CD226: variants seen among roughly 807,000 people sequenced by gnomAD.
CD226 encodes CD226 molecule.
A neutral mutation model predicts 34.9 loss-of-function variants in CD226; 24 were observed. That is an observed-to-expected ratio of 0.69 (90% CI 0.50 to 0.97). The LOEUF (loss-of-function observed/expected upper bound fraction) is 0.97, where lower values mean the gene tolerates loss of function less well. CD226 is among the 50% of genes least tolerant of loss of function. The pLI is 0.00. For synonymous variants in CD226, 148 were observed against 147.4 expected (o/e 1.00, Z -0.03); for missense variants, 397 against 412.7 (o/e 0.96, Z 0.33).
At chr18:69,939,306 T>C (rs2055694192) in intron 2 of CD226, among the ~76,000 whole-genome samples, 1 of 152,228 alleles carries the variant, frequency 6.6e-6, no homozygotes, top group Non-Finnish European at 1.5e-5. Context: ...AAATAACGTA[T>C]TGTTTAATTA....
chr18:69,929,660 G>A (rs1465407914), intron 2 of CD226, among the ~76,000 whole-genome samples: 1 of 152,028 alleles, frequency 6.6e-6, no homozygotes, highest in Admixed American at 6.6e-5. Flanking sequence ...TCTCTCTTGG[G>A]TTCTGATTAA....
In CD226 at chr18:69,885,567, TG is replaced by T. The variant is rs1032394217; in HGVS notation, c.727+10133del. Among the ~76,000 whole-genome samples the T allele has an allele frequency of 4.0e-4, 61 of 152,180 alleles. 1 individual carries two copies. The highest frequency in any genetic ancestry group is 1.4e-3 in the African/African-American group (58 of 41,530). ...TCCCACACAGGAAGCGTCCAGTGGGTGGATCTGGTGAGGCCATGAGAACAGG... is the reference window on the plus strand; with the variant it reads ...TCCCACACAGGAAGCGTCCAGTGGGTGATCTGGTGAGGCCATGAGAACAGG... On this transcript the variant is annotated intron_variant, in intron 3 of 5. Coordinates refer to ENST00000582621, the MANE Select transcript of CD226 (RefSeq NM_001303618.2).
chr18:69,859,631 T>A lies in CD226; in HGVS notation c.*4683A>T, dbSNP rs1982717701. 1 of 151,094 alleles carries A rather than the reference T, an allele frequency of 6.6e-6. No homozygotes were observed. The highest frequency in any genetic ancestry group is 2.4e-5 in the African/African-American group (1 of 41,216). 9.4% of individuals were successfully genotyped at this position (151,094 alleles called of 1,614,324 possible). ...TTCAGAAAAGTGAACATAAATAAAA[T>A]AATGAGTTAGAAGTAGTAAAATTTG... On this transcript the variant is annotated 3_prime_UTR_variant, in exon 6 of 6. Transcript: ENST00000582621.
At chr18:69,937,227 G>A (rs939598107) in intron 2 of CD226, among the ~76,000 whole-genome samples, 5 of 152,144 alleles carry the variant, frequency 3.3e-5, no homozygotes, top group Non-Finnish European at 5.9e-5. Flanking sequence ...CTATGTGTTG[G>A]TTCAATTTTA....
intron 3 of CD226, among the ~76,000 whole-genome samples, chr18:69,883,233 CATAACAGA>C (rs1255620979): frequency 6.6e-6 from 1 of 152,078 alleles, no homozygotes; most frequent in Non-Finnish European, 1.5e-5. Context: ...GGCTTCCTGT[CATAACAGA>C]AGTTATTTTT....
At chr18:69,915,546 T>C (rs1235544362) in intron 2 of CD226, among the ~76,000 whole-genome samples, 1 of 152,202 alleles carries the variant, frequency 6.6e-6, no homozygotes, top group East Asian at 1.9e-4. Context: ...AATTGGTATA[T>C]GTCCTATTGC....
rs77086444 is a variant in CD226, at chr18:69,894,893, T to C, written c.727+808A>G. Reference sequence around the variant, plus strand: ...ACTCATGCAAAGTGGATCTAGGTTTTGCAGGTCCTGAAACACAATGAAAGG... The same window carrying C: ...ACTCATGCAAAGTGGATCTAGGTTTCGCAGGTCCTGAAACACAATGAAAGG... On this transcript the variant is annotated intron_variant, in intron 3 of 5. Coordinates refer to ENST00000582621, the MANE Select transcript of CD226 (RefSeq NM_001303618.2). 4.4e-3 allele frequency among the ~76,000 whole-genome samples: 666 copies of C among 152,030 alleles called. 2 individuals are homozygous for C. The highest frequency in any genetic ancestry group is 0.015 in the African/African-American group (640 of 41,444).
rs567799662 is a variant in CD226, at chr18:69,924,163, A to C, written c.382+22571T>G. Reference sequence around the variant, plus strand: ...AACGTCATAGAAGAAAATATTATGCAAAATGAGACAGATGGAAAAATTAAA... The same window carrying C: ...AACGTCATAGAAGAAAATATTATGCCAAATGAGACAGATGGAAAAATTAAA... On this transcript the variant is annotated intron_variant, in intron 2 of 5. Transcript: ENST00000582621. Among the ~76,000 whole-genome samples the C allele has an allele frequency of 5.3e-5, 8 of 152,240 alleles. No individual in the cohort carries two copies. The South Asian group carries it at 1.0e-3, about 20-fold the overall frequency.
intron 3 of CD226, among the ~76,000 whole-genome samples, chr18:69,876,699 A>C (rs2145198621): frequency 6.6e-6 from 1 of 152,238 alleles, no homozygotes; most frequent in Admixed American, 6.5e-5. Flanking sequence ...AGTAACAGGC[A>C]CCAGCTGAGT....
intron 2 of CD226, among the ~76,000 whole-genome samples, chr18:69,925,848 G>C: frequency 6.6e-6 from 1 of 152,026 alleles, no homozygotes. Context: ...ACAGCACATA[G>C]AATCACTTAG....
At position 69,864,433 on chromosome 18, in the gene CD226, T is replaced by C. The variant is rs1292091616; in HGVS notation, c.892A>G (p.Asn298Asp). ...TESWDTQKAP[N>D]NYRSPISTSQ... is the part of the protein sequence containing the mutation. ...GTAGAGATGGGACTTCTATAGTTATTGGGTGCCTAGAAAGACAAACAGCAG... is the reference window on the plus strand; with the variant it reads ...GTAGAGATGGGACTTCTATAGTTATCGGGTGCCTAGAAAGACAAACAGCAG... The change falls in exon 6 of 6, where the codon AAT (asparagine) becomes GAT (aspartate). Residue 298 changes from asparagine to aspartate, a missense_variant. By Grantham distance (23) the Asn-to-Asp change is conservative. Coordinates refer to ENST00000582621, the MANE Select transcript of CD226 (RefSeq NM_001303618.2). 4.3e-6 allele frequency: 7 copies of C among 1,612,926 alleles called. No individual in the cohort carries two copies. Among genetic ancestry groups the C allele is most frequent in the Non-Finnish European group, 5.1e-6 (6 of 1,179,452 alleles).
chr18:69,947,876 G>C (rs1161928259), upstream of CD226: 2 of 152,294 alleles, frequency 1.3e-5, no homozygotes, highest in Admixed American at 1.3e-4. Context: ...TCCTCACTGA[G>C]AGCATAAGAT....
upstream of CD226, among the ~76,000 whole-genome samples, chr18:69,950,005 C>T (rs542565898): frequency 5.6e-3 from 827 of 147,470 alleles, 5 homozygotes; most frequent in African/African-American, 0.021. Context: ...GTTTCTCACA[C>T]TCTCTCACAC....
At chr18:69,872,740 TG>T (rs1983613074) in intron 4 of CD226, among the ~76,000 whole-genome samples, 1 of 152,228 alleles carries the variant, frequency 6.6e-6, no homozygotes, top group Admixed American at 6.5e-5. Context: ...TTCACTGCTG[TG>T]CACAATAAAT....
chr18:69,947,233 T>C, intron 1 of CD226, 128 bp downstream of exon 1: 1 of 925,422 alleles, frequency 1.1e-6, no homozygotes, highest in Non-Finnish European at 1.6e-6. Flanking sequence ...ATGTAACTTT[T>C]AGTTTTTCTG....
chr18:69,868,455 T>A (rs911840366), intron 4 of CD226, among the ~76,000 whole-genome samples: 1 of 152,190 alleles, frequency 6.6e-6, no homozygotes, highest in African/African-American at 2.4e-5. Context: ...TGCTTTGAAA[T>A]CCTCCTATCA....
chr18:69,858,976 T>C lies in CD226; in HGVS notation c.*5338A>G, dbSNP rs1788233. ...ACTCCTGACCTCGTATTTTTTTTTT[T>C]CTTCAACAGTCAGTATCTGTTTTCG... On this transcript the variant is annotated 3_prime_UTR_variant, in exon 6 of 6. Coordinates refer to ENST00000582621, the MANE Select transcript of CD226 (RefSeq NM_001303618.2). 145,463 of 151,004 alleles carry C rather than the reference T, an allele frequency of 0.96. 70,312 individuals are homozygous for C. The highest frequency in any genetic ancestry group is 1 in the East Asian group (5,146 of 5,146). 9.4% of individuals were successfully genotyped at this position (151,004 alleles called of 1,614,324 possible).
chr18:69,868,798 T>TGCAC (rs1396467488), intron 4 of CD226, among the ~76,000 whole-genome samples: 3 of 80,038 alleles, frequency 3.7e-5, no homozygotes, highest in East Asian at 4.7e-4. Context: ...CACGTGCGCG[T>TGCAC]GCACGCACAC....
intron 2 of CD226, among the ~76,000 whole-genome samples, chr18:69,926,026 C>T (rs1448241927): frequency 6.6e-6 from 1 of 152,074 alleles, no homozygotes; most frequent in Non-Finnish European, 1.5e-5. Flanking sequence ...AACTGCAATC[C>T]AAGCTACTCG....
Sources: allele counts gnomAD v4.1 joint callset (sites outside exome capture counted in the v4.1 genomes callset), GRCh38; gene constraint gnomAD v4.1.1; transcripts MANE v1.5; gene names NCBI Gene and HGNC (gene_info 2026-07-23, HGNC 2026-07-21).